The following CSMD3 variants were observed in gnomAD, a reference collection of about 807,000 sequenced individuals.
CSMD3 encodes CUB and sushi domain-containing protein 3.
In CSMD3, 177 loss-of-function variants were observed where a neutral mutation model predicts 435.2. The ratio of observed to expected loss-of-function variants is 0.41; its 90% CI spans 0.36 to 0.46. CSMD3 has a LOEUF of 0.46. Ranked by LOEUF, CSMD3 falls within the 20% of genes least tolerant of loss-of-function variation. The pLI is 0.34. For synonymous variants in CSMD3, 1,656 were observed against 1,520.5 expected (o/e 1.09, Z -2.07); for missense variants, 4,265 against 4,504.6 (o/e 0.95, Z 1.52).
chr8:112,682,292 T>C, intron 16 of CSMD3, 150 bp downstream of exon 16: 1 of 689,364 alleles, frequency 1.5e-6, no homozygotes, highest in East Asian at 2.7e-5. Context: ...AAAAGTGTAA[T>C]TTCCTTAACA....
chr8:112,576,044 TAA>T (rs1455242090), intron 23 of CSMD3, among the ~76,000 whole-genome samples: 1 of 132,436 alleles, frequency 7.6e-6, no homozygotes, highest in African/African-American at 2.5e-5. Context: ...ATGAAAAATA[TAA>T]ATATAAATAA....
intron 32 of CSMD3, among the ~76,000 whole-genome samples, chr8:112,454,774 T>C (rs1816656643): frequency 6.6e-6 from 1 of 152,100 alleles, no homozygotes; most frequent in Non-Finnish European, 1.5e-5. Flanking sequence ...GAGGATTGCT[T>C]GAGCCTAGGA....
At chr8:112,443,396 A>G (rs889632117) in intron 32 of CSMD3, among the ~76,000 whole-genome samples, 1 of 152,226 alleles carries the variant, frequency 6.6e-6, no homozygotes, top group Admixed American at 6.5e-5. Flanking sequence ...GAGAAATATG[A>G]ATTTTTATAG....
rs1393476644 is a variant in CSMD3, at chr8:113,311,770, A to G, written c.401+2801T>C. 6 of 152,268 alleles carry G rather than the reference A, an allele frequency of 3.9e-5. No homozygotes were observed. The East Asian group carries it at 5.8e-4, about 15-fold the overall frequency. 9.4% of individuals were successfully genotyped at this position (152,268 alleles called of 1,614,324 possible). Reference sequence around the variant, plus strand: ...CTTGCTAACTAAAGTCAGCTATAACATTAACTACAGTACTTCTTGAAGCAC... The same window carrying G: ...CTTGCTAACTAAAGTCAGCTATAACGTTAACTACAGTACTTCTTGAAGCAC... On this transcript the variant is annotated intron_variant, in intron 2 of 70. Coordinates refer to ENST00000297405, the MANE Select transcript of CSMD3 (RefSeq NM_198123.2).
intron 3 of CSMD3, among the ~76,000 whole-genome samples, chr8:113,220,099 G>A (rs1374853014): frequency 1.3e-5 from 2 of 151,376 alleles, no homozygotes; most frequent in Admixed American, 6.6e-5. Context: ...TGAAAAAATT[G>A]GAAAGCTTAA....
intron 9 of CSMD3, among the ~76,000 whole-genome samples, chr8:112,944,650 T>A (rs1024361315): frequency 9.9e-5 from 15 of 151,616 alleles, no homozygotes; most frequent in Non-Finnish European, 2.1e-4. Context: ...AAATCACTCT[T>A]GTCAACAACC....
intron 28 of CSMD3, among the ~76,000 whole-genome samples, chr8:112,509,406 T>C (rs1280200744): frequency 6.6e-6 from 1 of 152,134 alleles, no homozygotes; most frequent in African/African-American, 2.4e-5. Context: ...TGTCTTTATA[T>C]GGTCCTTTCT....
chr8:113,041,200 C>T (rs1380960907), intron 5 of CSMD3, among the ~76,000 whole-genome samples: 2 of 108,212 alleles, frequency 1.8e-5, no homozygotes, highest in Admixed American at 1.5e-4. Flanking sequence ...AGTGAGACTC[C>T]GTCTTAAAAA....
intron 1 of CSMD3, among the ~76,000 whole-genome samples, chr8:113,403,174 T>TTA (rs2094517775): frequency 6.6e-6 from 1 of 151,338 alleles, no homozygotes; most frequent in African/African-American, 2.4e-5. Flanking sequence ...TCGTAGTTTT[T>TTA]TATATATATT....
At chr8:113,381,969 A>G (rs550645607) in intron 1 of CSMD3, among the ~76,000 whole-genome samples, 1 of 152,300 alleles carries the variant, frequency 6.6e-6, no homozygotes, top group African/African-American at 2.4e-5. Flanking sequence ...ATCTCTAAAA[A>G]TTAATGTTTA....
rs201515930 is a variant in CSMD3, at chr8:113,177,574, A to AG, written c.515-3659dup. Among the ~76,000 whole-genome samples, 302 of 152,098 alleles carry AG rather than the reference A, an allele frequency of 2.0e-3. 6 individuals carry two copies. The East Asian group carries it at 0.05, about 25-fold the overall frequency. On this transcript the variant is annotated intron_variant, in intron 3 of 70. Transcript: ENST00000297405. Reference sequence around the variant, plus strand: ...GATTAAAATGGGATTGCAGTAGGGGAGGCAGTACTTTAAAACCAATTACAC... The same window carrying AG: ...GATTAAAATGGGATTGCAGTAGGGGAGGGCAGTACTTTAAAACCAATTACAC...
chr8:112,496,724 T>G (rs1257473234), intron 30 of CSMD3, among the ~76,000 whole-genome samples: 1 of 152,120 alleles, frequency 6.6e-6, no homozygotes, highest in Non-Finnish European at 1.5e-5. Context: ...TCTTACTTAT[T>G]TGTGGGAGCT....
chr8:113,272,474 T>G (rs112297889), intron 3 of CSMD3, among the ~76,000 whole-genome samples: 10,046 of 152,234 alleles, frequency 0.066, 450 homozygotes, highest in Non-Finnish European at 0.095. Context: ...TTTCTGCTTT[T>G]GCAATTTCAT....
At chr8:112,670,859 T>C (rs1478197962) in intron 16 of CSMD3, among the ~76,000 whole-genome samples, 1 of 152,144 alleles carries the variant, frequency 6.6e-6, no homozygotes, top group African/African-American at 2.4e-5. Flanking sequence ...TTGGTTGATG[T>C]TCAAGTTTCC....
chr8:113,162,102 A>G (rs2131837454), intron 4 of CSMD3, among the ~76,000 whole-genome samples: 1 of 152,272 alleles, frequency 6.6e-6, no homozygotes, highest in Non-Finnish European at 1.5e-5. Flanking sequence ...GAGCAGAAGG[A>G]CACTGGCTCA....
At chr8:112,696,252 G>A (rs1408110662) in intron 13 of CSMD3, among the ~76,000 whole-genome samples, 196 of 151,542 alleles carry the variant, frequency 1.3e-3, no homozygotes, top group African/African-American at 4.5e-3. Context: ...ACCAAAAAAG[G>A]GTCTGCATTG....
At chr8:113,361,183 C>G (rs565938491) in intron 1 of CSMD3, among the ~76,000 whole-genome samples, 4 of 152,210 alleles carry the variant, frequency 2.6e-5, no homozygotes, top group Admixed American at 1.3e-4. Context: ...TCCCCTCCCC[C>G]TAATAGTTAA....
chr8:113,421,592 C>G (rs947231712), intron 1 of CSMD3, among the ~76,000 whole-genome samples: 3 of 152,076 alleles, frequency 2.0e-5, no homozygotes, highest in African/African-American at 7.2e-5. Context: ...GAAAGTTTGG[C>G]ACTTTGGTAT....
intron 1 of CSMD3, among the ~76,000 whole-genome samples, chr8:113,388,832 G>C (rs2094449923): frequency 6.6e-6 from 1 of 151,452 alleles, no homozygotes; most frequent in South Asian, 2.1e-4. Flanking sequence ...TTAGCAAACA[G>C]ATATTAGCTA....
Sources: allele counts gnomAD v4.1 joint callset (sites outside exome capture counted in the v4.1 genomes callset), GRCh38; gene constraint gnomAD v4.1.1; transcripts MANE v1.5; gene names NCBI Gene and HGNC (gene_info 2026-07-23, HGNC 2026-07-21).